Variants in CNTN1 observed in about 807,000 individuals in gnomAD.
CNTN1 encodes the protein contactin-1.
Under a neutral mutation model 126.4 loss-of-function variants are expected in CNTN1, and 38 were observed. The ratio of observed to expected loss-of-function variants is 0.30; its 90% CI spans 0.23 to 0.39. The LOEUF is 0.39. Among genes scored for constraint, CNTN1 ranks in the 10% least tolerant of loss-of-function variants. The pLI, the probability that CNTN1 is intolerant of heterozygous loss-of-function variation, is 1.00. For missense variants in CNTN1, 1,009 were observed against 1,248.4 expected, an observed-to-expected ratio of 0.81 and a Z score of 2.89; for synonymous variants, 413 against 422.6, an observed-to-expected ratio of 0.98 and a Z score of 0.28.
At chr12:40,761,593 T>A (rs899310735) in intron 1 of CNTN1, among the ~76,000 whole-genome samples, 29 of 152,258 alleles carry the variant, frequency 1.9e-4, no homozygotes, top group African/African-American at 2.6e-4. Flanking sequence ...AAGGTTTTTT[T>A]AAAAATCTAC....
chr12:40,850,208 C>A (rs1260159611), intron 1 of CNTN1, among the ~76,000 whole-genome samples: 2 of 152,098 alleles, frequency 1.3e-5, no homozygotes, highest in African/African-American at 4.8e-5. Flanking sequence ...TGTAAACCTA[C>A]CTATATTGCT....
At position 41,043,387 on chromosome 12, in the gene CNTN1, A is replaced by AAC. The variant is rs1349006855; in HGVS notation, c.2980+14170_2980+14171dup. On this transcript the variant is annotated intron_variant, in intron 23 of 23. Transcript: ENST00000551295. ...AAAGAAGACATTTATGCAGCCAAAAAACATGAAAAAATGCTCATCATCACT... is the reference window on the plus strand; with the variant it reads ...AAAGAAGACATTTATGCAGCCAAAAAACACATGAAAAAATGCTCATCATCACT... Among the ~76,000 whole-genome samples, 579 of 152,008 alleles carry AAC rather than the reference A, an allele frequency of 3.8e-3. 6 individuals are homozygous for AAC. Among genetic ancestry groups the AAC allele is most frequent in the African/African-American group, 0.013 (557 of 41,492 alleles).
chr12:40,761,920 C>G (rs1003474808), intron 1 of CNTN1, among the ~76,000 whole-genome samples: 1 of 151,942 alleles, frequency 6.6e-6, no homozygotes, highest in Admixed American at 6.6e-5. Context: ...GTTAGGGACA[C>G]TTTTACAATA....
intron 23 of CNTN1, among the ~76,000 whole-genome samples, chr12:41,040,045 T>A (rs1949362913): frequency 6.6e-6 from 1 of 152,042 alleles, no homozygotes; most frequent in African/African-American, 2.4e-5. Context: ...TAAGGCTTGT[T>A]CCCTCTGTGG....
intron 1 of CNTN1, among the ~76,000 whole-genome samples, chr12:40,877,658 G>T (rs2136687418): frequency 6.6e-6 from 1 of 152,242 alleles, no homozygotes; most frequent in Non-Finnish European, 1.5e-5. Flanking sequence ...TACTGATGAG[G>T]TTTATATAAC....
chr12:41,054,249 G>A (rs987682364), intron 23 of CNTN1, among the ~76,000 whole-genome samples: 5 of 151,626 alleles, frequency 3.3e-5, no homozygotes, highest in Non-Finnish European at 7.4e-5. Context: ...TTATAGCATC[G>A]ATATTGGGAA....
At chr12:40,972,007 G>T in intron 15 of CNTN1, 1 of 991,116 alleles carries the variant, frequency 1.0e-6, no homozygotes, top group Non-Finnish European at 1.2e-6. Flanking sequence ...CTTAATCCTA[G>T]TACCATACAT....
At chr12:40,912,123 C>T (rs186299672) in intron 3 of CNTN1, among the ~76,000 whole-genome samples, 9 of 152,146 alleles carry the variant, frequency 5.9e-5, no homozygotes, top group Admixed American at 5.2e-4. Context: ...TGTATTAAAA[C>T]AAAAACATTT....
intron 6 of CNTN1, among the ~76,000 whole-genome samples, 199 bp downstream of exon 6, chr12:40,924,851 C>G (rs767711537): frequency 4.0e-4 from 46 of 114,808 alleles, no homozygotes; most frequent in Non-Finnish European, 7.3e-4. Flanking sequence ...GCTCTAGTCC[C>G]AAGGATCTCT....
intron 23 of CNTN1, among the ~76,000 whole-genome samples, chr12:41,034,114 G>A (rs1949205573): frequency 6.6e-6 from 1 of 152,082 alleles, no homozygotes; most frequent in South Asian, 2.1e-4. Context: ...GGCAGTGGTG[G>A]ATGTCTAGGG....
At chr12:40,785,529 T>G (rs1939982278) in intron 1 of CNTN1, among the ~76,000 whole-genome samples, 1 of 152,126 alleles carries the variant, frequency 6.6e-6, no homozygotes, top group Non-Finnish European at 1.5e-5. Flanking sequence ...TGGTGGATTA[T>G]CATTAGTTCT....
At chr12:41,056,312 G>C (rs139935798) in intron 23 of CNTN1, among the ~76,000 whole-genome samples, 1 of 152,220 alleles carries the variant, frequency 6.6e-6, no homozygotes, top group East Asian at 1.9e-4. Context: ...GAAATTCAGA[G>C]AGTTTATGTA....
intron 1 of CNTN1, among the ~76,000 whole-genome samples, chr12:40,906,061 G>A (rs570973694): frequency 1.3e-5 from 2 of 152,276 alleles, no homozygotes; most frequent in Non-Finnish European, 2.9e-5. Context: ...GGATCACGAG[G>A]TCAGGAGATC....
chr12:40,813,026 TTCTC>T (rs149665999), intron 1 of CNTN1, among the ~76,000 whole-genome samples: 1,347 of 40,656 alleles, frequency 0.033, 25 homozygotes, highest in East Asian at 0.11. Context: ...CTTTCTTTCT[TTCTC>T]TTTCTTTCCT....
intron 3 of CNTN1, among the ~76,000 whole-genome samples, chr12:40,911,375 C>T (rs934855872): frequency 6.6e-5 from 10 of 152,096 alleles, no homozygotes; most frequent in Non-Finnish European, 1.2e-4. Context: ...CCACCGTGCC[C>T]GGCCGCAAAA....
intron 1 of CNTN1, among the ~76,000 whole-genome samples, chr12:40,730,488 C>G (rs754211649): frequency 6.6e-6 from 1 of 152,110 alleles, no homozygotes; most frequent in African/African-American, 2.4e-5. Flanking sequence ...ATGTAACTGT[C>G]CATGGTATCC....
chr12:41,029,227 A>G lies in CNTN1; in HGVS notation c.2980+8A>G. ...CTCAAGTCAAAATTTCAGGTAAGTG[A>G]GTCATTTAAGACACATTTCAACTAA... On this transcript the variant is annotated splice_region_variant and intron_variant, in intron 23 of 23. Transcript: ENST00000551295. The G allele has an allele frequency of 1.2e-6, 2 of 1,613,968 alleles. No homozygotes were observed. The highest frequency in any genetic ancestry group is 1.7e-6 in the Non-Finnish European group (2 of 1,179,896).
intron 1 of CNTN1, among the ~76,000 whole-genome samples, chr12:40,777,873 G>C (rs1056216525): frequency 6.6e-6 from 1 of 151,698 alleles, no homozygotes; most frequent in Non-Finnish European, 1.5e-5. Context: ...TTTGGGAAGG[G>C]TAAATATGGA....
intron 23 of CNTN1, among the ~76,000 whole-genome samples, chr12:41,068,312 C>T (rs1950092254): frequency 6.6e-6 from 1 of 152,146 alleles, no homozygotes; most frequent in Non-Finnish European, 1.5e-5. Context: ...TTGTAGCTGG[C>T]TGTAGGGCAG....
Sources: allele counts gnomAD v4.1 joint callset (sites outside exome capture counted in the v4.1 genomes callset), GRCh38; gene constraint gnomAD v4.1.1; transcripts MANE v1.5; gene names NCBI Gene and HGNC (gene_info 2026-07-23, HGNC 2026-07-21).